KANK1: variants seen among roughly 807,000 people sequenced by gnomAD.
KANK1 encodes KN motif and ankyrin repeat domains 1.
A neutral mutation model predicts 106.2 loss-of-function variants in KANK1; 109 were observed. That is an observed-to-expected ratio of 1.03 (90% CI 0.88 to 1.20). KANK1 has a LOEUF of 1.20. Ranked by LOEUF, KANK1 falls within the 50% of genes most tolerant of loss-of-function variation. The pLI, the probability that KANK1 is intolerant of heterozygous loss-of-function variation, is 0.00. For missense variants in KANK1, 2,399 were observed against 1,710.7 expected (o/e 1.40, Z -7.10); for synonymous variants, 873 against 652.2 (o/e 1.34, Z -5.16).
At chr9:663,277 G>T (rs966785846) in intron 1 of KANK1, among the ~76,000 whole-genome samples, 4 of 152,120 alleles carry the variant, frequency 2.6e-5, no homozygotes, top group African/African-American at 4.8e-5. Flanking sequence ...TGCTTAAATA[G>T]GTAAAAGCAC....
intron 1 of KANK1, among the ~76,000 whole-genome samples, chr9:525,783 G>A (rs1298697281): frequency 1.3e-5 from 2 of 151,570 alleles, no homozygotes; most frequent in African/African-American, 2.4e-5. Context: ...AGCAGCAAAG[G>A]TTGGGCTGGT....
intron 1 of KANK1, among the ~76,000 whole-genome samples, chr9:627,319 G>T (rs1396532225): frequency 9.2e-5 from 14 of 152,102 alleles, no homozygotes; most frequent in Non-Finnish European, 1.8e-4. Flanking sequence ...GGCTACCCAG[G>T]TTGGAAATAG....
intron 2 of KANK1, among the ~76,000 whole-genome samples, chr9:702,302 G>A (rs570673959): frequency 3.9e-5 from 6 of 152,274 alleles, no homozygotes; most frequent in East Asian, 1.9e-4. Context: ...ACCTTGAGAC[G>A]CTGGTATAAA....
chr9:511,276 C>G (rs2059017443), intron 1 of KANK1, among the ~76,000 whole-genome samples: 1 of 152,170 alleles, frequency 6.6e-6, no homozygotes, highest in Non-Finnish European at 1.5e-5. Context: ...CACATAATAC[C>G]ATGGTCAGTC....
chr9:634,208 G>A (rs543790290), intron 1 of KANK1, among the ~76,000 whole-genome samples: 2 of 152,168 alleles, frequency 1.3e-5, no homozygotes, highest in Non-Finnish European at 2.9e-5. Context: ...AGAGAGTTAG[G>A]GCTCTTCAAG....
chr9:553,867 C>G (rs994044791), intron 1 of KANK1, among the ~76,000 whole-genome samples: 4 of 152,108 alleles, frequency 2.6e-5, no homozygotes, highest in Non-Finnish European at 4.4e-5. Flanking sequence ...TAATGGAAAT[C>G]TGAATGAATG....
In KANK1 at chr9:732,020, GAATT is replaced by G. The variant is rs746632013; in HGVS notation, c.3006-354_3006-351del. The G allele has an allele frequency of 1.4e-3, 256 of 180,198 alleles. 2 individuals carry two copies. Among genetic ancestry groups the G allele is most frequent in the Non-Finnish European group, 2.4e-3 (211 of 86,476 alleles). 11.2% of individuals were successfully genotyped at this position (180,198 alleles called of 1,614,324 possible). ...TAATCTATTCCCCTTGATACTGGGA[GAATT>G]AATAGGATGAAATAGGAAGACATGG... On this transcript the variant is annotated intron_variant, in intron 5 of 11. Transcript: ENST00000382297.
intron 1 of KANK1, among the ~76,000 whole-genome samples, chr9:517,024 C>CACACACAG (rs2059311640): frequency 6.6e-6 from 1 of 151,504 alleles, no homozygotes; most frequent in East Asian, 1.9e-4. Context: ...CACACACACA[C>CACACACAG]ACATCCGTCT....
At chr9:637,460 C>T (rs563778682) in intron 1 of KANK1, among the ~76,000 whole-genome samples, 5 of 152,280 alleles carry the variant, frequency 3.3e-5, no homozygotes, top group African/African-American at 1.2e-4. Flanking sequence ...AGCAAAGTTT[C>T]ATAAATTTTA....
At chr9:562,694 G>A (rs1356037345) in intron 1 of KANK1, among the ~76,000 whole-genome samples, 1 of 152,202 alleles carries the variant, frequency 6.6e-6, no homozygotes, top group Non-Finnish European at 1.5e-5. Flanking sequence ...TTTCTAACCT[G>A]TAAAATGCTT....
upstream of KANK1, among the ~76,000 whole-genome samples, chr9:502,910 C>T (rs923410604): frequency 2.6e-5 from 4 of 152,190 alleles, no homozygotes; most frequent in African/African-American, 9.6e-5. Flanking sequence ...TCTCTGCTCA[C>T]TGCCGCCTCG....
intron 1 of KANK1, among the ~76,000 whole-genome samples, chr9:561,018 G>C (rs566670103): frequency 2.0e-5 from 3 of 152,226 alleles, no homozygotes; most frequent in South Asian, 4.2e-4. Flanking sequence ...TAATCATCCC[G>C]TTGTTTTCTG....
chr9:545,610 C>T (rs1188204084), intron 1 of KANK1, among the ~76,000 whole-genome samples: 3 of 151,956 alleles, frequency 2.0e-5, no homozygotes, highest in African/African-American at 7.3e-5. Flanking sequence ...GCATTAGCTC[C>T]TGCAGAGCCA....
chr9:576,127 C>T (rs926404515), intron 1 of KANK1, among the ~76,000 whole-genome samples: 7 of 152,182 alleles, frequency 4.6e-5, no homozygotes, highest in Non-Finnish European at 2.9e-5. Flanking sequence ...AATTTTTAGG[C>T]CCTATCAGAC....
intron 2 of KANK1, among the ~76,000 whole-genome samples, chr9:693,173 G>A (rs1252263165): frequency 6.6e-5 from 10 of 152,136 alleles, no homozygotes; most frequent in Non-Finnish European, 5.9e-5. Flanking sequence ...TATGGTTTAC[G>A]AATGGTGATT....
At chr9:476,424 G>A (rs1286639127) in intron 3 of KANK1, among the ~76,000 whole-genome samples, 2 of 151,664 alleles carry the variant, frequency 1.3e-5, no homozygotes, top group East Asian at 3.9e-4. Flanking sequence ...GCGAGGCTGA[G>A]GCAAGAGAAT....
At chr9:684,813 C>T (rs34493047) in intron 2 of KANK1, among the ~76,000 whole-genome samples, 262 of 152,098 alleles carry the variant, frequency 1.7e-3, no homozygotes, top group Middle Eastern at 6.8e-3. Context: ...GGCTCCTTTT[C>T]TATAAAAGGT....
intron 3 of KANK1, among the ~76,000 whole-genome samples, chr9:485,842 G>T (rs1327665502): frequency 2.7e-5 from 4 of 148,480 alleles, no homozygotes; most frequent in African/African-American, 1.0e-4. Context: ...CTACACTCCA[G>T]CCTGGGTGAC....
chr9:632,818 T>C (rs1376755307), intron 1 of KANK1, among the ~76,000 whole-genome samples: 15 of 152,058 alleles, frequency 9.9e-5, no homozygotes, highest in Non-Finnish European at 2.9e-5. Flanking sequence ...GCCATTCGAG[T>C]AGCTGGGTTT....
Sources: gnomAD v4.1 joint callset for allele counts (sites outside exome capture counted in the v4.1 genomes callset) on GRCh38, gnomAD v4.1.1 for gene constraint, MANE v1.5 for transcripts, NCBI Gene and HGNC (gene_info 2026-07-23, HGNC 2026-07-21) for gene names.